Variants in TARS1 observed in about 807,000 individuals in gnomAD.
TARS1 encodes threonine--tRNA ligase 1, cytoplasmic.
In TARS1, 57 loss-of-function variants were observed where a neutral mutation model predicts 97.7. The ratio of observed to expected loss-of-function variants is 0.58; its 90% CI spans 0.47 to 0.73. The LOEUF (loss-of-function observed/expected upper bound fraction) is 0.73, where lower values mean the gene tolerates loss of function less well. Among genes scored for constraint, TARS1 ranks in the 30% least tolerant of loss-of-function variants. The pLI is 0.00. For missense variants in TARS1, 806 were observed against 888.3 expected (o/e 0.91, Z 1.18); for synonymous variants, 312 against 293.7 (o/e 1.06, Z -0.64).
rs535272578 is a variant in TARS1, at chr5:33,458,462, A to T, written c.985-104A>T. ...GGAGTGGCACTGATTGAAATATGGGACATCATGACCATATTCTGAGCTCAA... is the reference window on the plus strand; with the variant it reads ...GGAGTGGCACTGATTGAAATATGGGTCATCATGACCATATTCTGAGCTCAA... On this transcript the variant is annotated intron_variant, in intron 9 of 18. Coordinates refer to ENST00000265112, the MANE Select transcript of TARS1 (RefSeq NM_152295.5). The T allele has an allele frequency of 3.9e-5, 32 of 824,750 alleles. No individual in the cohort carries two copies. In the South Asian group the frequency reaches 5.8e-4, roughly 15 times the overall value. 51.1% of individuals were successfully genotyped at this position (824,750 alleles called of 1,614,324 possible).
chr5:33,462,198 C>A lies in TARS1; in HGVS notation c.1830C>A (p.Gly610=), dbSNP rs768790392. Residue 610 remains glycine (G), a synonymous_variant, in exon 16 of 19, where the codon GGC becomes GGA. Transcript: ENST00000265112. ...CTATCCTCACAGAAAACTATGGGGG[C>A]AAATGGTAATTTTTGTCACTGTCTT... ...MIAILTENYG[G]KWPFWLSPRQ... is the part of the protein sequence containing the mutation. 1.1e-4 allele frequency: 181 copies of A among 1,610,274 alleles called. No individual in the cohort carries two copies. Among genetic ancestry groups the A allele is most frequent in the Non-Finnish European group, 1.5e-4 (180 of 1,178,992 alleles).
At chr5:33,449,445 C>CTTTTTTTTTTTTTTTTTTTTTT (rs57691465) in intron 3 of TARS1, among the ~76,000 whole-genome samples, 1 of 69,146 alleles carries the variant, frequency 1.4e-5, no homozygotes. Context: ...TTTTTTCTTT[C>CTTTTTTTTTTTTTTTTTTTTTT]TTTTTTTTTT....
intron 4 of TARS1, among the ~76,000 whole-genome samples, chr5:33,453,829 C>T (rs1173726943): frequency 1.3e-5 from 2 of 151,906 alleles, no homozygotes; most frequent in Non-Finnish European, 2.9e-5. Flanking sequence ...AAGCTATTCT[C>T]CTGCCTCAGC....
At chr5:33,454,612 A>G (rs1040075777) in intron 4 of TARS1, among the ~76,000 whole-genome samples, 2 of 152,240 alleles carry the variant, frequency 1.3e-5, no homozygotes, top group Admixed American at 6.5e-5. Flanking sequence ...AACCTGGGCC[A>G]TTGCAATCAA....
chr5:33,460,912 G>C lies in TARS1; in HGVS notation c.1261G>C (p.Asp421His). The change falls in exon 12 of 19, where the codon GAT becomes CAT. Residue 421 changes from aspartate to histidine, a missense_variant. Physicochemically the swap from Asp to His is moderately conservative, Grantham distance 81. Coordinates refer to ENST00000265112, the MANE Select transcript of TARS1 (RefSeq NM_152295.5). The part of the protein sequence containing the change: ...MNCPGHCLMF[D>H]HRPRSWRELP... ...TCTTTTTCTCTTCAGCCTTATGTTT[G>C]ATCATCGGCCAAGGTCCTGGCGAGA... 6.2e-7 allele frequency: 1 copy of C among 1,613,942 alleles called. No individual in the cohort carries two copies.
In TARS1 at chr5:33,441,549, G is replaced by A. The variant is rs560312002; in HGVS notation, c.57+406G>A. 16 of 168,222 alleles carry A rather than the reference G, an allele frequency of 9.5e-5. No homozygotes were observed. In the South Asian group the frequency reaches 2.2e-3, roughly 24 times the overall value. The allele number at this position is 168,222 out of a possible 1,614,324, so 10.4% of individuals were successfully genotyped here. On this transcript the variant is annotated intron_variant, in intron 1 of 18. Coordinates refer to ENST00000265112, the MANE Select transcript of TARS1 (RefSeq NM_152295.5). ...TAATCAATCTCCTAAGATCCTGCGG[G>A]GGTAAAGAGCTCCATTTTAAGGAAA...
rs149964628 is a variant in TARS1, at chr5:33,448,591, A to C, written c.189A>C (p.Ile63=). The change falls in exon 3 of 19, where the codon ATA becomes ATC. Residue 63 remains isoleucine (I), a synonymous_variant. Coordinates refer to ENST00000265112, the MANE Select transcript of TARS1 (RefSeq NM_152295.5). ...YIYTRLEMYN[I]LKAEHDSILA... ...ACACACGTCTTGAGATGTATAATAT[A>C]CTAAAAGCAGAACATGATTCCATTC... 2.5e-6 allele frequency: 4 copies of C among 1,613,380 alleles called. No individual in the cohort carries two copies. Among genetic ancestry groups the C allele is most frequent in the Non-Finnish European group, 3.4e-6 (4 of 1,179,716 alleles).
chr5:33,457,116 C>T, intron 8 of TARS1, 141 bp from the exon 9 acceptor site: 1 of 897,044 alleles, frequency 1.1e-6, no homozygotes, highest in Non-Finnish European at 1.7e-6. Flanking sequence ...GAGGGAGGGG[C>T]ATTTTTGAGG....
At chr5:33,445,215 TTTAAA>T in intron 1 of TARS1, 104 bp from the exon 2 acceptor site, 3 of 838,272 alleles carry the variant, frequency 3.6e-6, no homozygotes, top group Non-Finnish European at 5.4e-6. Context: ...TTCCATTTTT[TTTAAA>T]TTAAATAACA....
At chr5:33,444,831 C>T (rs1452736179) in intron 1 of TARS1, among the ~76,000 whole-genome samples, 1 of 152,208 alleles carries the variant, frequency 6.6e-6, no homozygotes, top group African/African-American at 2.4e-5. Context: ...GAGTTTCTCA[C>T]ACATGTATGC....
At chr5:33,448,202 T>C (rs941193922) in intron 2 of TARS1, among the ~76,000 whole-genome samples, 1 of 152,208 alleles carries the variant, frequency 6.6e-6, no homozygotes, top group Admixed American at 6.5e-5. Context: ...AGCCAGTTTA[T>C]TGTTTTTATT....
At chr5:33,442,489 T>C (rs1218224200) in intron 1 of TARS1, among the ~76,000 whole-genome samples, 3 of 152,218 alleles carry the variant, frequency 2.0e-5, no homozygotes, top group Admixed American at 2.0e-4. Flanking sequence ...TTTTGAGTAC[T>C]AAATACGAGT....
At chr5:33,448,496 A>G (rs763414253) in intron 2 of TARS1, 45 bp from the exon 3 acceptor site, 11 of 1,436,630 alleles carry the variant, frequency 7.7e-6, no homozygotes, top group African/African-American at 1.4e-5. Flanking sequence ...TAGGAAAGCA[A>G]TATTTACTGA....
At chr5:33,461,802 G>C in intron 14 of TARS1, 58 bp downstream of exon 14, 4 of 1,596,350 alleles carry the variant, frequency 2.5e-6, no homozygotes, top group Non-Finnish European at 3.4e-6. Flanking sequence ...AAGAAGATAC[G>C]ACTTCGAAAA....
rs376876048 is a variant in TARS1 at position 33,463,840 on chromosome 5, T to C, written c.1908+15T>C. On this transcript the variant is annotated intron_variant, in intron 17 of 18. Transcript: ENST00000265112. ...ATGCCCAAAAGGTAAGCCTTAGATATGAATTTTCTTTCAATTTAACATCTG... is the reference window on the plus strand; with the variant it reads ...ATGCCCAAAAGGTAAGCCTTAGATACGAATTTTCTTTCAATTTAACATCTG... 19 of 1,600,900 alleles carry C rather than the reference T, an allele frequency of 1.2e-5. No homozygotes were observed. The African/African-American group carries it at 2.4e-4, about 20-fold the overall frequency.
chr5:33,458,727 G>A, intron 10 of TARS1, 63 bp downstream of exon 10: 1 of 1,320,662 alleles, frequency 7.6e-7, no homozygotes, highest in Non-Finnish European at 1.1e-6. Flanking sequence ...ATTAAATAAG[G>A]TCTACTAAAA....
At chr5:33,450,541 A>T (rs1309613608) in intron 3 of TARS1, among the ~76,000 whole-genome samples, 2 of 152,202 alleles carry the variant, frequency 1.3e-5, no homozygotes, top group African/African-American at 4.8e-5. Flanking sequence ...AGGAAGTAAA[A>T]AGTTGTAATA....
chr5:33,445,306 C>T lies in TARS1; in HGVS notation c.58-18C>T, dbSNP rs201408045. On this transcript the variant is annotated intron_variant, in intron 1 of 18. Coordinates refer to ENST00000265112, the MANE Select transcript of TARS1 (RefSeq NM_152295.5). ...TGTCACATTAGATTAAAATATAAAA[C>T]GTTTTTTGCTTATTTAGATTGGTGC... The T allele has an allele frequency of 3.6e-4, 573 of 1,598,078 alleles. 4 individuals are homozygous for T. In the South Asian group the frequency reaches 5.8e-3, roughly 16 times the overall value.
intron 9 of TARS1, 56 bp downstream of exon 9, chr5:33,457,459 G>T: frequency 6.4e-7 from 1 of 1,574,496 alleles, no homozygotes; most frequent in Non-Finnish European, 8.6e-7. Flanking sequence ...TTCATTTGAA[G>T]TTTGAAATTC....
Sources: allele counts gnomAD v4.1 joint callset (sites outside exome capture counted in the v4.1 genomes callset), GRCh38; gene constraint gnomAD v4.1.1; transcripts MANE v1.5; gene names NCBI Gene and HGNC (gene_info 2026-07-23, HGNC 2026-07-21).